The following IFT43 variants were observed in gnomAD, a reference collection of about 807,000 sequenced individuals.
IFT43 encodes intraflagellar transport 43, also known as intraflagellar transport protein 43 homolog.
IFT43 carries 33 observed loss-of-function variants against 32.3 expected under a neutral mutation model. The ratio of observed to expected loss-of-function variants is 1.02; its 90% CI spans 0.77 to 1.37. The LOEUF (loss-of-function observed/expected upper bound fraction) is 1.37, where lower values mean the gene tolerates loss of function less well. Ranked by LOEUF, IFT43 falls within the 40% of genes most tolerant of loss-of-function variation. The pLI, the probability that IFT43 is intolerant of heterozygous loss-of-function variation, is 0.00. For missense variants in IFT43, 274 were observed against 265.9 expected (o/e 1.03, Z -0.21); for synonymous variants, 93 against 98.2 (o/e 0.95, Z 0.31).
At chr14:75,988,272 A>C (rs1160671772) in intron 1 of IFT43, among the ~76,000 whole-genome samples, 1 of 152,118 alleles carries the variant, frequency 6.6e-6, no homozygotes, top group Non-Finnish European at 1.5e-5. Context: ...CCAGCTACTC[A>C]GGAGGGCAAG....
intron 2 of IFT43, among the ~76,000 whole-genome samples, chr14:75,996,116 C>T (rs906279715): frequency 1.3e-5 from 2 of 152,186 alleles, no homozygotes; most frequent in East Asian, 1.9e-4. Context: ...CAAGTTGGTG[C>T]TCAAAGAGCA....
At chr14:76,048,928 A>C (rs187692618) in intron 3 of IFT43, among the ~76,000 whole-genome samples, 59 of 152,314 alleles carry the variant, frequency 3.9e-4, no homozygotes, top group African/African-American at 1.4e-3. Context: ...CATGTACCTC[A>C]TGACTTGGGT....
intron 3 of IFT43, among the ~76,000 whole-genome samples, chr14:76,030,553 T>TA (rs1406896793): frequency 6.6e-6 from 1 of 152,176 alleles, no homozygotes; most frequent in Admixed American, 6.5e-5. Context: ...AAACACATTT[T>TA]AAAAAATACG....
intron 5 of IFT43, among the ~76,000 whole-genome samples, chr14:76,065,420 A>G (rs1374243463): frequency 2.0e-5 from 3 of 152,238 alleles, no homozygotes; most frequent in Non-Finnish European, 2.9e-5. Flanking sequence ...TCACAGATGT[A>G]TATACCTGTG....
At chr14:76,018,327 G>A (rs1270953412) in intron 2 of IFT43, among the ~76,000 whole-genome samples, 1 of 151,970 alleles carries the variant, frequency 6.6e-6, no homozygotes, top group Non-Finnish European at 1.5e-5. Context: ...TCAGGAGCAT[G>A]TTGTTTAATT....
At position 75,990,625 on chromosome 14, in the gene IFT43, G is replaced by A. The variant is rs376050235; in HGVS notation, c.147+1648G>A. Among the ~76,000 whole-genome samples, 167 of 152,294 alleles carry A rather than the reference G, an allele frequency of 1.1e-3. 5 individuals are homozygous for A. The South Asian group carries it at 0.033, about 30-fold the overall frequency. Reference sequence around the variant, plus strand: ...ATGTAGAAGTGTTATGGGGCCTGGGGCAGGGAGGTTGGGAGGCGAGGATAG... The same window carrying A: ...ATGTAGAAGTGTTATGGGGCCTGGGACAGGGAGGTTGGGAGGCGAGGATAG... On this transcript the variant is annotated intron_variant, in intron 2 of 8. Coordinates refer to ENST00000314067, the MANE Select transcript of IFT43 (RefSeq NM_001102564.3).
intron 3 of IFT43, among the ~76,000 whole-genome samples, chr14:76,046,328 G>A (rs2036807175): frequency 6.6e-6 from 1 of 152,162 alleles, no homozygotes; most frequent in African/African-American, 2.4e-5. Flanking sequence ...GGGGCTGGGG[G>A]TCTGTAGATG....
chr14:76,076,896 T>C (rs1372137360), intron 5 of IFT43, among the ~76,000 whole-genome samples: 1 of 152,070 alleles, frequency 6.6e-6, no homozygotes, highest in African/African-American at 2.4e-5. Context: ...AGTTTCTATT[T>C]ATTTAGGCAG....
intron 5 of IFT43, chr14:76,076,477 T>A: frequency 6.8e-7 from 1 of 1,464,416 alleles, no homozygotes; most frequent in Non-Finnish European, 9.3e-7. Flanking sequence ...CAGATTGGGG[T>A]GTCTCCTTTG....
At position 76,028,972 on chromosome 14, in the gene IFT43, T is replaced by C. The variant is rs569705098; in HGVS notation, c.215+6578T>C. Among the ~76,000 whole-genome samples, 4 of 152,338 alleles carry C rather than the reference T, an allele frequency of 2.6e-5. No homozygotes were observed. The East Asian group carries it at 7.7e-4, about 29-fold the overall frequency. On this transcript the variant is annotated intron_variant, in intron 3 of 8. Coordinates refer to ENST00000314067, the MANE Select transcript of IFT43 (RefSeq NM_001102564.3). The stretch of plus-strand genomic sequence containing the variant: ...AATGATTTATTTTCCTTTGGGTATG[T>C]ATATACCACCCAGTGATGGGATTGC...
chr14:75,994,293 G>A (rs1245494124), intron 2 of IFT43, among the ~76,000 whole-genome samples: 1 of 152,040 alleles, frequency 6.6e-6, no homozygotes, highest in Non-Finnish European at 1.5e-5. Flanking sequence ...CTTAGGACGT[G>A]GTGCCAGTAG....
chr14:76,000,381 C>G (rs1456243066), intron 2 of IFT43, among the ~76,000 whole-genome samples: 1 of 151,278 alleles, frequency 6.6e-6, no homozygotes, highest in Non-Finnish European at 1.5e-5. Flanking sequence ...TCTCCTGCCT[C>G]AGCCTCCCGA....
chr14:75,989,791 T>C (rs2035601783), intron 2 of IFT43, among the ~76,000 whole-genome samples: 2 of 152,196 alleles, frequency 1.3e-5, no homozygotes, highest in South Asian at 4.2e-4. Flanking sequence ...CCATAGTAGG[T>C]TTGCAACAGA....
chr14:76,061,252 CT>C (rs775644168), intron 5 of IFT43, among the ~76,000 whole-genome samples: 42 of 152,302 alleles, frequency 2.8e-4, no homozygotes, highest in South Asian at 6.2e-4. Flanking sequence ...ATCTTTCCCC[CT>C]ATCTGCTTTT....
chr14:76,060,744 AT>A (rs1409445689), intron 5 of IFT43, among the ~76,000 whole-genome samples: 1 of 151,720 alleles, frequency 6.6e-6, no homozygotes, highest in East Asian at 1.9e-4. Context: ...TAGGCTGACA[AT>A]TTTTTTCTTT....
At chr14:75,990,304 T>C (rs1236014795) in intron 2 of IFT43, among the ~76,000 whole-genome samples, 1 of 152,240 alleles carries the variant, frequency 6.6e-6, no homozygotes, top group Non-Finnish European at 1.5e-5. Flanking sequence ...TAAGAAAACC[T>C]AATCACCATA....
At chr14:75,987,609 A>G (rs1278958348) in intron 1 of IFT43, among the ~76,000 whole-genome samples, 1 of 152,222 alleles carries the variant, frequency 6.6e-6, no homozygotes, top group African/African-American at 2.4e-5. Context: ...TTATTGTGAG[A>G]ATCAAAGGAA....
At chr14:76,045,587 A>G (rs2036791470) in intron 3 of IFT43, among the ~76,000 whole-genome samples, 2 of 152,190 alleles carry the variant, frequency 1.3e-5, no homozygotes, top group South Asian at 4.1e-4. Flanking sequence ...CCCCAGAGCC[A>G]GGAGGGATGG....
intron 5 of IFT43, among the ~76,000 whole-genome samples, chr14:76,061,139 T>A (rs1443094175): frequency 6.6e-6 from 1 of 152,158 alleles, no homozygotes; most frequent in African/African-American, 2.4e-5. Flanking sequence ...TGACCTCAAG[T>A]GATCCACCCG....
Sources: allele counts gnomAD v4.1 joint callset (sites outside exome capture counted in the v4.1 genomes callset), GRCh38; gene constraint gnomAD v4.1.1; transcripts MANE v1.5; gene names NCBI Gene and HGNC (gene_info 2026-07-23, HGNC 2026-07-21).